CHIC2: variants seen among roughly 807,000 people sequenced by gnomAD.
The protein encoded by CHIC2 is cysteine rich hydrophobic domain 2.
Under a neutral mutation model 25.9 loss-of-function variants are expected in CHIC2, and 14 were observed. The observed-to-expected ratio is 0.54, with a 90% CI of 0.36 to 0.85. The LOEUF (loss-of-function observed/expected upper bound fraction) is 0.85, where lower values mean the gene tolerates loss of function less well. Among genes scored for constraint, CHIC2 ranks in the 40% least tolerant of loss-of-function variants. CHIC2 has a pLI of 0.01. For missense variants in CHIC2, 146 were observed against 202.0 expected, an observed-to-expected ratio of 0.72 and a Z score of 1.68; for synonymous variants, 70 against 72.0, an observed-to-expected ratio of 0.97 and a Z score of 0.14.
intron 3 of CHIC2, among the ~76,000 whole-genome samples, chr4:54,043,194 G>C (rs544335445): frequency 6.6e-6 from 1 of 152,232 alleles, no homozygotes; most frequent in East Asian, 1.9e-4. Flanking sequence ...GGCCGAGGCG[G>C]ATGGATCACG....
At chr4:54,031,064 T>C (rs1349554262) in intron 3 of CHIC2, among the ~76,000 whole-genome samples, 1 of 151,370 alleles carries the variant, frequency 6.6e-6, no homozygotes, top group African/African-American at 2.4e-5. Context: ...AGCATGGAAA[T>C]AGAAATAGTT....
At chr4:54,070,663 T>G in the CHIC2 span, among the ~76,000 whole-genome samples, 10 of 152,252 alleles carry the variant, frequency 6.6e-5, no homozygotes, top group South Asian at 1.2e-3. Flanking sequence ...CCTCAGGTGA[T>G]CTGCCCAACT....
At chr4:54,024,112 G>A (rs556427273) in intron 3 of CHIC2, among the ~76,000 whole-genome samples, 78 of 152,218 alleles carry the variant, frequency 5.1e-4, no homozygotes, top group Non-Finnish European at 1.0e-3. Context: ...CACCTACTCT[G>A]CCACTAAAAC....
chr4:54,044,908 TAATA>T (rs1198429416), intron 3 of CHIC2, among the ~76,000 whole-genome samples: 4 of 150,858 alleles, frequency 2.7e-5, no homozygotes, highest in Non-Finnish European at 4.4e-5. Context: ...CTAGCAAGAC[TAATA>T]AAGAAGAAAA....
chr4:54,061,767 C>T (rs1717340179), intron 1 of CHIC2, among the ~76,000 whole-genome samples: 2 of 152,108 alleles, frequency 1.3e-5, no homozygotes, highest in African/African-American at 4.8e-5. Context: ...CTATTATTAC[C>T]TATGTCGCCA....
At chr4:54,049,397 A>G (rs1468762199) in intron 1 of CHIC2, 92 bp from the exon 2 acceptor site, 13 of 694,116 alleles carry the variant, frequency 1.9e-5, no homozygotes, top group Non-Finnish European at 2.6e-5. Flanking sequence ...AATAGAAAGC[A>G]TTTTCACATA....
At chr4:54,072,843 C>A in the CHIC2 span, among the ~76,000 whole-genome samples, 20 of 152,214 alleles carry the variant, frequency 1.3e-4, no homozygotes, top group African/African-American at 4.8e-4. Context: ...GAGGCCAAGG[C>A]GGATGGATCA....
At position 54,029,897 on chromosome 4, in the gene CHIC2, T is replaced by C. The variant is rs1716170295; in HGVS notation, c.331-15778A>G. Among the ~76,000 whole-genome samples, 2 of 152,208 alleles carry C rather than the reference T, an allele frequency of 1.3e-5. 1 individual carries two copies. Among genetic ancestry groups the C allele is most frequent in the Admixed American group, 1.3e-4 (2 of 15,278 alleles). On this transcript the variant is annotated intron_variant, in intron 3 of 5. Coordinates refer to ENST00000263921, the MANE Select transcript of CHIC2 (RefSeq NM_012110.4). ...TGAATTTCTTTAAGTCTTACAAAGT[T>C]GCATTCTAACTTAAAAACAAAACTT...
At chr4:54,047,647 T>C (rs1716873822) in intron 3 of CHIC2, among the ~76,000 whole-genome samples, 2 of 97,988 alleles carry the variant, frequency 2.0e-5, no homozygotes, top group Non-Finnish European at 4.0e-5. Context: ...CGGGGACTGT[T>C]GTGGGGTGGG....
chr4:54,043,382 C>T (rs1195430575), intron 3 of CHIC2, among the ~76,000 whole-genome samples: 2 of 146,922 alleles, frequency 1.4e-5, no homozygotes, highest in Non-Finnish European at 3.0e-5. Flanking sequence ...GATCATGCCA[C>T]TGCACTCCAG....
rs980047203 is a variant in CHIC2 at position 54,064,405 on chromosome 4, C to A, written c.-105G>T. The A allele has an allele frequency of 1.4e-5, 22 of 1,543,812 alleles. No individual in the cohort carries two copies. The highest frequency in any genetic ancestry group is 1.9e-5 in the Non-Finnish European group (22 of 1,147,314). On this transcript the variant is annotated 5_prime_UTR_variant, in exon 1 of 6. Transcript: ENST00000263921. This position sits in a 1 kb window ranked among gnomAD's most constrained non-coding sequence, Gnocchi z 4.2. Reference sequence around the variant, plus strand: ...GGCTGAGGGGAGTCGCCGCTGCCGCCGGCTCCGAGGCCGCGGAGTTCGCTG... The same window carrying A: ...GGCTGAGGGGAGTCGCCGCTGCCGCAGGCTCCGAGGCCGCGGAGTTCGCTG...
intron 5 of CHIC2, 139 bp from the exon 6 acceptor site, chr4:54,010,284 A>G (rs953805910): frequency 7.6e-5 from 46 of 602,284 alleles, no homozygotes; most frequent in Middle Eastern, 4.6e-4. Flanking sequence ...ACAGATCTTT[A>G]TCTGATAATG....
intron 3 of CHIC2, among the ~76,000 whole-genome samples, chr4:54,044,678 A>G (rs1261521380): frequency 4.0e-5 from 6 of 151,096 alleles, no homozygotes; most frequent in Non-Finnish European, 5.9e-5. Flanking sequence ...AGCACTAAAT[A>G]CCCACAAGAG....
At chr4:54,042,584 T>C (rs1182138451) in intron 3 of CHIC2, among the ~76,000 whole-genome samples, 1 of 152,178 alleles carries the variant, frequency 6.6e-6, no homozygotes, top group Non-Finnish European at 1.5e-5. Flanking sequence ...TAGGATTTTC[T>C]GGGTTACATG....
Position 54,064,108 on chromosome 4 carries a change from A to C in CHIC2, c.119+74T>G. 7.5e-7 allele frequency: 1 copy of C among 1,332,606 alleles called. No homozygotes were observed. The highest frequency in any genetic ancestry group is 1.0e-6 in the Non-Finnish European group (1 of 952,598). The allele number at this position is 1,332,606 out of a possible 1,614,324, so 82.5% of individuals were successfully genotyped here. A position where few individuals can be genotyped will look rare whatever the true frequency, so the allele number is the denominator to read the frequency against. ...CCCCGACACCAGACGGACACAGGGG[A>C]AACGGGGCTCCCGTGGAGTAACGGG... is the stretch of plus-strand genomic sequence containing the variant. On this transcript the variant is annotated intron_variant, in intron 1 of 5. Coordinates refer to ENST00000263921, the MANE Select transcript of CHIC2 (RefSeq NM_012110.4). This position sits in a 1 kb window ranked among gnomAD's most constrained non-coding sequence, Gnocchi z 4.2.
chr4:54,075,701 C>T, the CHIC2 span, among the ~76,000 whole-genome samples: 1 of 152,060 alleles, frequency 6.6e-6, no homozygotes, highest in African/African-American at 2.4e-5. Flanking sequence ...TTACAGGCAC[C>T]TGCCACCATG....
At chr4:54,063,958 G>A (rs926580720) in intron 1 of CHIC2, among the ~76,000 whole-genome samples, 1 of 152,266 alleles carries the variant, frequency 6.6e-6, no homozygotes, top group Non-Finnish European at 1.5e-5. Flanking sequence ...CATCGCCCGG[G>A]CCTGTAGGGC....
chr4:54,014,824 AAG>A (rs1483394917), intron 3 of CHIC2, among the ~76,000 whole-genome samples: 1 of 152,138 alleles, frequency 6.6e-6, no homozygotes, highest in Non-Finnish European at 1.5e-5. Context: ...ATATGAATAA[AAG>A]AGGGTAATTC....
In CHIC2 at chr4:54,020,827, T is replaced by A. The variant is rs185105885; in HGVS notation, c.331-6708A>T. ...CGGGAAGACAGCCTTCCCTTGGTGTTTAATCATTGCAGAGACGCCTGCCTG... is the reference window on the plus strand; with the variant it reads ...CGGGAAGACAGCCTTCCCTTGGTGTATAATCATTGCAGAGACGCCTGCCTG... On this transcript the variant is annotated intron_variant, in intron 3 of 5. Coordinates refer to ENST00000263921, the MANE Select transcript of CHIC2 (RefSeq NM_012110.4). 1.6e-4 allele frequency among the ~76,000 whole-genome samples: 25 copies of A among 152,320 alleles called. 1 individual carries two copies. Among genetic ancestry groups the A allele is most frequent in the Admixed American group, 1.2e-3 (18 of 15,298 alleles).
Sources: gnomAD v4.1 joint callset for allele counts (sites outside exome capture counted in the v4.1 genomes callset) on GRCh38, gnomAD v4.1.1 for gene constraint, Gnocchi (gnomAD v3.1) non-coding constraint, MANE v1.5 for transcripts, NCBI Gene and HGNC (gene_info 2026-07-23, HGNC 2026-07-21) for gene names.